The following FKBP15 variants were observed in gnomAD, a reference collection of about 807,000 sequenced individuals.
The protein encoded by FKBP15 is FKBP prolyl isomerase family member 15.
Under a neutral mutation model 158.1 loss-of-function variants are expected in FKBP15, and 106 were observed. The ratio of observed to expected loss-of-function variants is 0.67; its 90% CI spans 0.57 to 0.79. FKBP15 has a LOEUF of 0.79. FKBP15 is among the 30% of genes least tolerant of loss of function. FKBP15 has a pLI of 0.00. For missense variants in FKBP15, 1,287 were observed against 1,479.1 expected, an observed-to-expected ratio of 0.87 and a Z score of 2.13; for synonymous variants, 547 against 548.6, an observed-to-expected ratio of 1.00 and a Z score of 0.04.
chr9:113,178,785 T>C lies in FKBP15; in HGVS notation c.1931A>G (p.Glu644Gly). The C allele has an allele frequency of 6.2e-7, 1 of 1,607,668 alleles. No individual in the cohort carries two copies. Among genetic ancestry groups the C allele is most frequent in the Non-Finnish European group, 8.5e-7 (1 of 1,176,966 alleles). ...GACCTGTGCAGTGGCCGCTGCTAAC[T>C]CCTCTGTCACCTTGGCCTGAATAAT... ...AEQEKAKVTE[E>G]LAAATAQVSH... The change falls in exon 20 of 28, where the codon GAG becomes GGG. Residue 644 changes from glutamate (E) to glycine (G), a missense_variant. Glu to Gly is a moderately conservative substitution (Grantham distance 98, BLOSUM62 -2). Coordinates refer to ENST00000238256, the MANE Select transcript of FKBP15 (RefSeq NM_015258.2).
intron 1 of FKBP15, 25 bp from the exon 2 acceptor site, chr9:113,211,617 A>G (rs368930882): frequency 6.6e-7 from 1 of 1,516,724 alleles, no homozygotes; most frequent in East Asian, 2.4e-5. Flanking sequence ...TGAAAAATGA[A>G]ATTTCACTGA....
At chr9:113,191,640 T>C (rs1426163421) in intron 11 of FKBP15, among the ~76,000 whole-genome samples, 1 of 148,134 alleles carries the variant, frequency 6.8e-6, no homozygotes, top group Non-Finnish European at 1.5e-5. Context: ...ATTATATATA[T>C]ATATAATATA....
At chr9:113,180,955 C>T (rs1830385038) in intron 19 of FKBP15, among the ~76,000 whole-genome samples, 1 of 152,156 alleles carries the variant, frequency 6.6e-6, no homozygotes. Flanking sequence ...GCCCATCTCC[C>T]TTTAAAAGGA....
At chr9:113,204,085 A>AT (rs140328186) in intron 4 of FKBP15, among the ~76,000 whole-genome samples, 19 of 150,710 alleles carry the variant, frequency 1.3e-4, no homozygotes, top group East Asian at 5.9e-4. Flanking sequence ...TCTCCACGTC[A>AT]TTTTTTTTTG....
At chr9:113,203,121 G>T in intron 4 of FKBP15, 86 bp from the exon 5 acceptor site, 2 of 877,896 alleles carry the variant, frequency 2.3e-6, no homozygotes, top group Non-Finnish European at 1.8e-6. Context: ...TATAAAATCA[G>T]CAATAAGTAT....
Position 113,164,079 on chromosome 9 carries a change from G to A in FKBP15, c.*1999C>T, listed in dbSNP as rs1274320735. On this transcript the variant is annotated 3_prime_UTR_variant, in exon 28 of 28. Coordinates refer to ENST00000238256, the MANE Select transcript of FKBP15 (RefSeq NM_015258.2). ...TCACAGATTAGATGAAAAGATGGTT[G>A]TAAGCTTTGGGAATTAAAAACAAAC... 2 of 150,726 alleles carry A rather than the reference G, an allele frequency of 1.3e-5. No individual in the cohort carries two copies. Among genetic ancestry groups the A allele is most frequent in the Admixed American group, 6.7e-5 (1 of 14,936 alleles). The allele number at this position is 150,726 out of a possible 1,614,324, so 9.3% of individuals were successfully genotyped here. A position where few individuals can be genotyped will look rare whatever the true frequency, so the allele number is the denominator to read the frequency against.
chr9:113,203,314 G>C (rs915062676), intron 4 of FKBP15, among the ~76,000 whole-genome samples: 4 of 152,048 alleles, frequency 2.6e-5, no homozygotes, highest in Non-Finnish European at 4.4e-5. Context: ...AAGAGTGGCT[G>C]GTTGTGTAAA....
intron 2 of FKBP15, among the ~76,000 whole-genome samples, chr9:113,209,969 G>A (rs1830966989): frequency 6.6e-6 from 1 of 152,194 alleles, no homozygotes; most frequent in Non-Finnish European, 1.5e-5. Flanking sequence ...GGGCCCTAGA[G>A]GGGTGGAGGC....
At position 113,174,480 on chromosome 9, in the gene FKBP15, C is replaced by T. The variant is rs554615016; in HGVS notation, c.2327G>A (p.Arg776Gln). Residue 776 changes from arginine to glutamine, a missense_variant, in exon 22 of 28, where the codon CGA (arginine) becomes CAA (glutamine). Physicochemically the swap from Arg to Gln is conservative, Grantham distance 43. Coordinates refer to ENST00000238256, the MANE Select transcript of FKBP15 (RefSeq NM_015258.2). Reference protein sequence around the residue: ...KSYQEELDKLRQLLKKTRVST... With the variant: ...KSYQEELDKLQQLLKKTRVST... The stretch of plus-strand genomic sequence containing the variant: ...CACTCGAGTCTTTTTCAAGAGCTGT[C>T]GAAGTTTGTCCAATTCCTCCTGGTA... The T allele has an allele frequency of 5.0e-6, 8 of 1,613,954 alleles. No individual in the cohort carries two copies. The Admixed American group carries it at 5.0e-5, about 10-fold the overall frequency.
chr9:113,177,629 A>T (rs1285670608), intron 20 of FKBP15, among the ~76,000 whole-genome samples: 1 of 152,204 alleles, frequency 6.6e-6, no homozygotes, highest in Non-Finnish European at 1.5e-5. Flanking sequence ...TACAAAATAT[A>T]AAAAATTTTT....
At position 113,162,964 on chromosome 9, in the gene FKBP15, C is replaced by G; in HGVS notation, c.*3114G>C. 6.6e-7 allele frequency: 1 copy of G among 1,508,836 alleles called. No individual in the cohort carries two copies. The highest frequency in any genetic ancestry group is 8.9e-7 in the Non-Finnish European group (1 of 1,119,410). The allele number at this position is 1,508,836 out of a possible 1,614,324, so 93.5% of individuals were successfully genotyped here. On this transcript the variant is annotated 3_prime_UTR_variant, in exon 28 of 28. Transcript: ENST00000238256. ...CTGAGGCTGGAGGGACATGGAGCCCCCTCTTCCAGACACTATACTTCCAAC... is the reference window on the plus strand; with the variant it reads ...CTGAGGCTGGAGGGACATGGAGCCCGCTCTTCCAGACACTATACTTCCAAC...
At chr9:113,211,936 T>C (rs578127131) in intron 1 of FKBP15, among the ~76,000 whole-genome samples, 1 of 152,324 alleles carries the variant, frequency 6.6e-6, no homozygotes, top group East Asian at 1.9e-4. Flanking sequence ...GTGCTCTCTA[T>C]GGTATCTTCA....
chr9:113,175,319 C>G (rs1830283252), intron 21 of FKBP15, among the ~76,000 whole-genome samples: 1 of 152,002 alleles, frequency 6.6e-6, no homozygotes, highest in Non-Finnish European at 1.5e-5. Flanking sequence ...GTAGTAGTAT[C>G]TATAGTAATG....
At chr9:113,195,654 T>G (rs1046737884) in intron 9 of FKBP15, among the ~76,000 whole-genome samples, 1 of 152,158 alleles carries the variant, frequency 6.6e-6, no homozygotes, top group Admixed American at 6.5e-5. Context: ...GACCATAATA[T>G]TCCCTATTTG....
chr9:113,183,595 C>T (rs1432848292), intron 18 of FKBP15, among the ~76,000 whole-genome samples, 156 bp downstream of exon 18: 1 of 152,186 alleles, frequency 6.6e-6, no homozygotes, highest in African/African-American at 2.4e-5. Flanking sequence ...TACTGCAATG[C>T]CTCTCAGAAA....
chr9:113,172,963 C>T (rs1217918359), intron 23 of FKBP15, among the ~76,000 whole-genome samples: 3 of 152,304 alleles, frequency 2.0e-5, no homozygotes, highest in Non-Finnish European at 2.9e-5. Flanking sequence ...TGTTCTGCCT[C>T]CTTTGCTGCC....
At chr9:113,166,905 G>A (rs992843063) in intron 27 of FKBP15, among the ~76,000 whole-genome samples, 21 of 152,288 alleles carry the variant, frequency 1.4e-4, no homozygotes, top group South Asian at 4.1e-4. Context: ...AGACAGGCAC[G>A]AACTGAATAG....
chr9:113,185,461 C>T (rs189066836), intron 15 of FKBP15, among the ~76,000 whole-genome samples: 1 of 152,294 alleles, frequency 6.6e-6, no homozygotes, highest in Admixed American at 6.5e-5. Context: ...ATAAAGGCTG[C>T]ATTCAGGAAA....
At chr9:113,206,160 T>A (rs1006207287) in intron 4 of FKBP15, 1 of 215,376 alleles carries the variant, frequency 4.6e-6, no homozygotes, top group Non-Finnish European at 9.2e-6. Context: ...AAATTTTATC[T>A]TATATATACA....
Sources: allele counts gnomAD v4.1 joint callset (sites outside exome capture counted in the v4.1 genomes callset), GRCh38; gene constraint gnomAD v4.1.1; transcripts MANE v1.5; gene names NCBI Gene and HGNC (gene_info 2026-07-23, HGNC 2026-07-21).